TMEM233: variants seen among roughly 807,000 people sequenced by gnomAD.
TMEM233 encodes dispanin subfamily B member 2.
Under a neutral mutation model 11.2 loss-of-function variants are expected in TMEM233, and 6 were observed. That is an observed-to-expected ratio of 0.54 (90% confidence interval 0.29 to 1.06). The LOEUF (loss-of-function observed/expected upper bound fraction) is 1.06, where lower values mean the gene tolerates loss of function less well. TMEM233 is among the 50% of genes least tolerant of loss of function. The pLI is 0.08. For synonymous variants in TMEM233, 59 were observed against 55.8 expected, an observed-to-expected ratio of 1.06 and a Z score of -0.26; for missense variants, 127 against 144.7, an observed-to-expected ratio of 0.88 and a Z score of 0.63.
At chr12:119,612,107 C>T (rs1185292536) in intron 1 of TMEM233, among the ~76,000 whole-genome samples, 1 of 152,094 alleles carries the variant, frequency 6.6e-6, no homozygotes, top group African/African-American at 2.4e-5. Flanking sequence ...GACTCTCCTG[C>T]GTCAGCCTCC....
Position 119,632,127 on chromosome 12 carries a change from T to C in TMEM233, c.323+2255T>C, listed in dbSNP as rs148909244. Reference sequence around the variant, plus strand: ...GTTTGAGCTAAGTGGGTTATAATAATAGCAGCTGACACTAACATAGACCTT... The same window carrying C: ...GTTTGAGCTAAGTGGGTTATAATAACAGCAGCTGACACTAACATAGACCTT... On this transcript the variant is annotated intron_variant, in intron 2 of 2. Coordinates refer to ENST00000426426, the MANE Select transcript of TMEM233 (RefSeq NM_001136534.3). Among the ~76,000 whole-genome samples, 327 of 152,344 alleles carry C rather than the reference T, an allele frequency of 2.1e-3. 1 individual carries two copies. Among genetic ancestry groups the C allele is most frequent in the African/African-American group, 7.6e-3 (314 of 41,578 alleles).
intron 2 of TMEM233, among the ~76,000 whole-genome samples, chr12:119,639,985 G>A (rs1485887345): frequency 2.0e-5 from 3 of 152,198 alleles, no homozygotes; most frequent in Non-Finnish European, 2.9e-5. Context: ...TACACATGAT[G>A]AGTATATAAT....
chr12:119,639,839 T>TA (rs1198052019), intron 2 of TMEM233, among the ~76,000 whole-genome samples: 9 of 152,272 alleles, frequency 5.9e-5, no homozygotes, highest in Non-Finnish European at 1.2e-4. Context: ...TGGCACTCTG[T>TA]ACTCACTAGG....
rs1437723779 is a variant in TMEM233, at chr12:119,640,762, C to A, written c.*57C>A. 2.6e-6 allele frequency: 4 copies of A among 1,546,954 alleles called. No homozygotes were observed. Among genetic ancestry groups the A allele is most frequent in the African/African-American group, 1.4e-5 (1 of 72,798 alleles). On this transcript the variant is annotated 3_prime_UTR_variant, in exon 3 of 3. Transcript: ENST00000426426. The stretch of plus-strand genomic sequence containing the variant: ...AGGATGGACCTCATCCACACACACC[C>A]CAAAGGAGTTTCTAAGGAATGGATC...
chr12:119,594,090 C>T lies in TMEM233; in HGVS notation c.186+56C>T, dbSNP rs1315862023. The T allele has an allele frequency of 4.6e-6, 7 of 1,529,290 alleles. No individual in the cohort carries two copies. In the African/African-American group the frequency reaches 5.5e-5, roughly 12 times the overall value. 94.7% of individuals were successfully genotyped at this position (1,529,290 alleles called of 1,614,324 possible). On this transcript the variant is annotated intron_variant, in intron 1 of 2. Coordinates refer to ENST00000426426, the MANE Select transcript of TMEM233 (RefSeq NM_001136534.3). The surrounding 1 kb of genome is among the most constrained non-coding windows in gnomAD (Gnocchi z 5.6). ...GAGGAGAGACCCGGGCGGCTTTGAG[C>T]CCCTGCAGGGGAGTCCGCGCGCTCT... is the stretch of plus-strand genomic sequence containing the variant.
chr12:119,627,127 C>G (rs981995574), intron 1 of TMEM233, among the ~76,000 whole-genome samples: 1 of 152,204 alleles, frequency 6.6e-6, no homozygotes, highest in African/African-American at 2.4e-5. Flanking sequence ...AACATTTTAA[C>G]AGCTGGGAAT....
chr12:119,604,894 A>G (rs1954236272), intron 1 of TMEM233, among the ~76,000 whole-genome samples: 1 of 151,964 alleles, frequency 6.6e-6, no homozygotes, highest in African/African-American at 2.4e-5. Context: ...TTAGCCTCCA[A>G]AGTGCTGGGA....
At chr12:119,628,238 C>T (rs1031179871) in intron 1 of TMEM233, among the ~76,000 whole-genome samples, 14 of 151,750 alleles carry the variant, frequency 9.2e-5, no homozygotes, top group Admixed American at 8.5e-4. Flanking sequence ...CAGCTCACTG[C>T]AACCTCTGCC....
intron 1 of TMEM233, among the ~76,000 whole-genome samples, chr12:119,612,537 A>G (rs1954421580): frequency 6.6e-6 from 1 of 152,106 alleles, no homozygotes; most frequent in South Asian, 2.1e-4. Flanking sequence ...TCACGAGGTC[A>G]GGAGATCAAG....
At chr12:119,618,684 C>T (rs749291076) in intron 1 of TMEM233, among the ~76,000 whole-genome samples, 2 of 152,156 alleles carry the variant, frequency 1.3e-5, no homozygotes, top group Non-Finnish European at 2.9e-5. Flanking sequence ...TTTGTTTTGG[C>T]CAATTTCTCC....
chr12:119,611,876 A>T (rs1189447789), intron 1 of TMEM233, among the ~76,000 whole-genome samples: 1 of 152,116 alleles, frequency 6.6e-6, no homozygotes, highest in Non-Finnish European at 1.5e-5. Flanking sequence ...TTTCCCACCT[A>T]TACAATAGGA....
chr12:119,606,160 G>A (rs1954275255), intron 1 of TMEM233, among the ~76,000 whole-genome samples: 1 of 152,176 alleles, frequency 6.6e-6, no homozygotes, highest in Admixed American at 6.5e-5. Flanking sequence ...ATTTTGATAG[G>A]AGCCTGCTAT....
chr12:119,637,554 TA>T (rs1954990402), intron 2 of TMEM233, among the ~76,000 whole-genome samples: 1 of 152,238 alleles, frequency 6.6e-6, no homozygotes, highest in Non-Finnish European at 1.5e-5. Flanking sequence ...TGCAAAAGCT[TA>T]AAAGCAAATC....
chr12:119,649,779 G>A, the TMEM233 span, among the ~76,000 whole-genome samples: 3 of 150,228 alleles, frequency 2.0e-5, no homozygotes, highest in Non-Finnish European at 4.4e-5. Context: ...CTGGCTCAGC[G>A]GGGCTTGTTC....
intron 2 of TMEM233, 27 bp from the exon 3 acceptor site, chr12:119,640,672 C>T (rs1335970014): frequency 6.6e-7 from 1 of 1,525,488 alleles, no homozygotes; most frequent in Non-Finnish European, 8.9e-7. Flanking sequence ...CGGTCTTTCT[C>T]TCTCTCTCTC....
chr12:119,603,179 G>T (rs1307599212), intron 1 of TMEM233, among the ~76,000 whole-genome samples: 1 of 152,150 alleles, frequency 6.6e-6, no homozygotes, highest in Non-Finnish European at 1.5e-5. Flanking sequence ...GCAGAGGCAG[G>T]AAAATCACTT....
chr12:119,611,085 G>T (rs1431414696), intron 1 of TMEM233, among the ~76,000 whole-genome samples: 1 of 152,124 alleles, frequency 6.6e-6, no homozygotes, highest in African/African-American at 2.4e-5. Flanking sequence ...ATTCATTGAT[G>T]GACATTGGAT....
Position 119,640,859 on chromosome 12 carries a change from A to AAG in TMEM233, c.*155_*156insGA, listed in dbSNP as rs111558498. On this transcript the variant is annotated 3_prime_UTR_variant, in exon 3 of 3. Coordinates refer to ENST00000426426, the MANE Select transcript of TMEM233 (RefSeq NM_001136534.3). Reference sequence around the variant, plus strand: ...CAGGTCCCTGGCAAATGAACAAGAAAAAAAAAAAAAAAAAGTCCAAAATTT... The same window carrying AAG: ...CAGGTCCCTGGCAAATGAACAAGAAAAGAAAAAAAAAAAAAAGTCCAAAATTT... 0.28 allele frequency: 172,819 copies of AAG among 618,614 alleles called. 20,585 individuals are homozygous for AAG. The highest frequency in any genetic ancestry group is 0.37 in the African/African-American group (19,024 of 51,346). 38.3% of individuals were successfully genotyped at this position (618,614 alleles called of 1,614,324 possible). A position where few individuals can be genotyped will look rare whatever the true frequency, so the allele number is the denominator to read the frequency against.
At chr12:119,647,340 T>C (rs1306620056), downstream of TMEM233, among the ~76,000 whole-genome samples, 2 of 152,254 alleles carry the variant, frequency 1.3e-5, no homozygotes, top group African/African-American at 2.4e-5. Context: ...CTTTTGTAGT[T>C]AAGACAAGCA....
Sources: allele counts gnomAD v4.1 joint callset (sites outside exome capture counted in the v4.1 genomes callset), GRCh38; gene constraint gnomAD v4.1.1; non-coding constraint Gnocchi (gnomAD v3.1); transcripts MANE v1.5; gene names NCBI Gene and HGNC (gene_info 2026-07-23, HGNC 2026-07-21).